Variants in CD86 observed in about 807,000 individuals in gnomAD.
CD86 encodes CD86 molecule.
A neutral mutation model predicts 32.1 loss-of-function variants in CD86; 11 were observed. The ratio of observed to expected loss-of-function variants is 0.34; its 90% CI spans 0.22 to 0.57. The LOEUF (loss-of-function observed/expected upper bound fraction) is 0.57, where lower values mean the gene tolerates loss of function less well. Among genes scored for constraint, CD86 ranks in the 20% least tolerant of loss-of-function variants. The pLI is 0.86. For synonymous variants in CD86, 137 were observed against 135.3 expected (o/e 1.01, Z -0.09); for missense variants, 359 against 398.4 (o/e 0.90, Z 0.84).
intron 5 of CD86, among the ~76,000 whole-genome samples, chr3:122,115,740 CAAAAAA>C (rs769868417): frequency 1.8e-4 from 5 of 27,536 alleles, no homozygotes; most frequent in Admixed American, 6.0e-4. Context: ...AACTCCCTCT[CAAAAAA>C]AAAAAAAAAA....
intron 1 of CD86, among the ~76,000 whole-genome samples, chr3:122,059,799 G>T (rs2072299738): frequency 6.6e-6 from 1 of 151,564 alleles, no homozygotes; most frequent in Non-Finnish European, 1.5e-5. Context: ...TTTAAATGAG[G>T]TCATTAGGGT....
chr3:122,097,663 G>A (rs2107532096), intron 2 of CD86, among the ~76,000 whole-genome samples: 1 of 152,320 alleles, frequency 6.6e-6, no homozygotes, highest in African/African-American at 2.4e-5. Flanking sequence ...AATTCATGAG[G>A]AAAATGAGGT....
chr3:122,109,754 T>C (rs2073145676), intron 5 of CD86, among the ~76,000 whole-genome samples: 1 of 152,184 alleles, frequency 6.6e-6, no homozygotes, highest in African/African-American at 2.4e-5. Flanking sequence ...ATGTTAAAGA[T>C]TGTGGACCTG....
At chr3:122,064,670 T>C (rs2072388850) in intron 1 of CD86, among the ~76,000 whole-genome samples, 1 of 152,172 alleles carries the variant, frequency 6.6e-6, no homozygotes, top group African/African-American at 2.4e-5. Flanking sequence ...AACTTACCAG[T>C]GAAATCCTAA....
intron 1 of CD86, among the ~76,000 whole-genome samples, chr3:122,085,144 A>C (rs968869737): frequency 6.6e-6 from 1 of 152,234 alleles, no homozygotes; most frequent in Non-Finnish European, 1.5e-5. Flanking sequence ...GAAGAAACGA[A>C]TGAATGAATG....
At chr3:122,072,681 G>C (rs1202531011) in intron 1 of CD86, among the ~76,000 whole-genome samples, 2 of 152,096 alleles carry the variant, frequency 1.3e-5, no homozygotes, top group Admixed American at 6.5e-5. Context: ...TTTGTAGGTT[G>C]CCTGTTCACT....
At chr3:122,067,888 G>T (rs1213573065) in intron 1 of CD86, among the ~76,000 whole-genome samples, 2 of 152,144 alleles carry the variant, frequency 1.3e-5, no homozygotes, top group South Asian at 4.1e-4. Context: ...TCCAGATAAA[G>T]CATGTGATGG....
chr3:122,090,337 C>A (rs2072795176), intron 1 of CD86, among the ~76,000 whole-genome samples: 1 of 152,180 alleles, frequency 6.6e-6, no homozygotes, highest in South Asian at 2.1e-4. Flanking sequence ...TACATTTCTG[C>A]TATTCGATCA....
intron 1 of CD86, among the ~76,000 whole-genome samples, chr3:122,060,018 A>T (rs528965002): frequency 4.9e-4 from 75 of 152,058 alleles, no homozygotes; most frequent in Non-Finnish European, 9.6e-4. Flanking sequence ...AAAAAAATAA[A>T]TTTTTTTTGT....
At chr3:122,083,433 T>C (rs2072663503) in intron 1 of CD86, among the ~76,000 whole-genome samples, 1 of 152,168 alleles carries the variant, frequency 6.6e-6, no homozygotes, top group South Asian at 2.1e-4. Flanking sequence ...TTGCATATGC[T>C]GTTCCCTTTG....
At chr3:122,095,482 G>A (rs997636826) in intron 2 of CD86, among the ~76,000 whole-genome samples, 2 of 152,090 alleles carry the variant, frequency 1.3e-5, no homozygotes, top group African/African-American at 4.8e-5. Flanking sequence ...ACTGCGCCCG[G>A]CCCACCTTAA....
At position 122,118,052 on chromosome 3, in the gene CD86, C is replaced by T. The variant is rs1240696561; in HGVS notation, c.852C>T (p.Thr284=). ...ATTGTTCTTGGTGTCTTTCAGGAAC[C>T]AACACAATGGAGAGGGAAGAGAGTG... ...KRPRNSYKCG[T]NTMEREESEQ... The change falls in exon 6 of 7, where the codon ACC becomes ACT. Residue 284 remains threonine (T), a synonymous_variant. Coordinates refer to ENST00000330540, the MANE Select transcript of CD86 (RefSeq NM_175862.5). 1.2e-6 allele frequency: 2 copies of T among 1,612,982 alleles called. No individual in the cohort carries two copies. Among genetic ancestry groups the T allele is most frequent in the Admixed American group, 1.7e-5 (1 of 59,948 alleles).
intron 1 of CD86, among the ~76,000 whole-genome samples, chr3:122,076,575 G>T (rs879415750): frequency 6.6e-6 from 1 of 152,184 alleles, no homozygotes; most frequent in African/African-American, 2.4e-5. Flanking sequence ...TGTGAGTCAA[G>T]ACCCTGGACC....
chr3:122,088,823 C>A (rs12330615), intron 1 of CD86, among the ~76,000 whole-genome samples: 1 of 152,190 alleles, frequency 6.6e-6, no homozygotes, highest in Non-Finnish European at 1.5e-5. Context: ...AATTCCCCTT[C>A]TGGGTATATA....
At chr3:122,096,256 T>G (rs1315342728) in intron 2 of CD86, among the ~76,000 whole-genome samples, 2 of 152,206 alleles carry the variant, frequency 1.3e-5, no homozygotes, top group African/African-American at 4.8e-5. Flanking sequence ...TGTTTTGTTT[T>G]GCTTTAGAGA....
intron 5 of CD86, among the ~76,000 whole-genome samples, chr3:122,113,616 CT>C (rs990609242): frequency 2.0e-5 from 3 of 152,114 alleles, no homozygotes; most frequent in Non-Finnish European, 4.4e-5. Context: ...TGATATTGAA[CT>C]TTTTTTCATG....
At chr3:122,116,344 A>T (rs1365605386) in intron 5 of CD86, among the ~76,000 whole-genome samples, 1 of 152,200 alleles carries the variant, frequency 6.6e-6, no homozygotes, top group Admixed American at 6.5e-5. Context: ...ACTTGAACAG[A>T]TACATAACAG....
chr3:122,108,046 C>T (rs2073118470), intron 4 of CD86, among the ~76,000 whole-genome samples: 1 of 152,216 alleles, frequency 6.6e-6, no homozygotes, highest in African/African-American at 2.4e-5. Context: ...ATATGACATG[C>T]CCCAGGGCCC....
chr3:122,091,926 C>T (rs956094990), intron 2 of CD86: 1 of 372,088 alleles, frequency 2.7e-6, no homozygotes. Context: ...AGTAGGGTAG[C>T]CTGGCCCATC....
Sources: gnomAD v4.1 joint callset for allele counts (sites outside exome capture counted in the v4.1 genomes callset) on GRCh38, gnomAD v4.1.1 for gene constraint, MANE v1.5 for transcripts, NCBI Gene and HGNC (gene_info 2026-07-23, HGNC 2026-07-21) for gene names.